Variants in NLGN1 observed in about 807,000 individuals in gnomAD.
NLGN1 encodes neuroligin 1.
NLGN1 carries 12 observed loss-of-function variants against 65.5 expected under a neutral mutation model. The ratio of observed to expected loss-of-function variants is 0.18; its 90% CI spans 0.12 to 0.30. NLGN1 has a LOEUF of 0.30. NLGN1 is among the 10% of genes least tolerant of loss of function. The pLI is 1.00. For synonymous variants in NLGN1, 350 were observed against 359.5 expected, an observed-to-expected ratio of 0.97 and a Z score of 0.30; for missense variants, 750 against 1,007.1, an observed-to-expected ratio of 0.74 and a Z score of 3.46.
intron 3 of NLGN1, among the ~76,000 whole-genome samples, chr3:173,803,904 A>G (rs1716030186): frequency 6.6e-6 from 1 of 152,172 alleles, no homozygotes; most frequent in African/African-American, 2.4e-5. Context: ...ACTCTAAAAT[A>G]TGGGCAATTA....
At chr3:173,464,489 G>A (rs1250979108) in intron 2 of NLGN1, among the ~76,000 whole-genome samples, 1 of 147,922 alleles carries the variant, frequency 6.8e-6, no homozygotes, top group Non-Finnish European at 1.5e-5. Flanking sequence ...AGGCTGGAGT[G>A]CAATGGCGCA....
chr3:173,415,890 A>AATATAT (rs149873787), intron 1 of NLGN1, among the ~76,000 whole-genome samples: 7,509 of 133,606 alleles, frequency 0.056, 243 homozygotes, highest in Admixed American at 0.068. Flanking sequence ...GCAAGGAGTA[A>AATATAT]ATATATATAT....
intron 4 of NLGN1, among the ~76,000 whole-genome samples, chr3:174,070,443 T>C (rs1370110145): frequency 2.0e-5 from 3 of 151,896 alleles, no homozygotes; most frequent in Non-Finnish European, 4.4e-5. Flanking sequence ...GTGATTCTCC[T>C]GCCTCAGCCT....
intron 4 of NLGN1, among the ~76,000 whole-genome samples, chr3:173,962,210 C>T (rs1713755456): frequency 6.6e-6 from 1 of 152,006 alleles, no homozygotes; most frequent in Non-Finnish European, 1.5e-5. Context: ...CTTCCACAGT[C>T]TGGCAATTTG....
intron 4 of NLGN1, among the ~76,000 whole-genome samples, chr3:174,026,188 AC>A (rs1728793660): frequency 6.6e-6 from 1 of 152,114 alleles, no homozygotes; most frequent in African/African-American, 2.4e-5. Flanking sequence ...GCACAGTGGC[AC>A]AATCACTGCT....
chr3:173,503,189 C>T (rs1326837749), intron 2 of NLGN1, among the ~76,000 whole-genome samples: 1 of 151,884 alleles, frequency 6.6e-6, no homozygotes, highest in Non-Finnish European at 1.5e-5. Flanking sequence ...AGTTCCATAT[C>T]CAATTACTGG....
intron 4 of NLGN1, among the ~76,000 whole-genome samples, chr3:173,890,605 A>G (rs1735154831): frequency 6.6e-6 from 1 of 152,202 alleles, no homozygotes; most frequent in Non-Finnish European, 1.5e-5. Context: ...TTGAAAGAAA[A>G]TTGTTATTGC....
intron 2 of NLGN1, among the ~76,000 whole-genome samples, chr3:173,460,943 A>G (rs1723272368): frequency 6.6e-6 from 1 of 152,126 alleles, no homozygotes; most frequent in Admixed American, 6.6e-5. Context: ...GCAATCTTGC[A>G]TGGGTGAGAT....
chr3:173,487,259 A>G (rs955444296), intron 2 of NLGN1, among the ~76,000 whole-genome samples: 2 of 151,886 alleles, frequency 1.3e-5, no homozygotes, highest in Non-Finnish European at 2.9e-5. Flanking sequence ...TAAGCCATCT[A>G]TTTTTAAAGG....
rs71162356 is a variant in NLGN1 at position 173,734,381 on chromosome 3, ATTTTTTTTTTTTTTT to A, written c.494-73281_494-73267del. On this transcript the variant is annotated intron_variant, in intron 3 of 6. Coordinates refer to ENST00000457714, the Ensembl canonical transcript of NLGN1. ...ATAATTAGATTCTGTGGATAATTCT[ATTTTTTTTTTTTTTT>A]TTTTTTTTTTTTTTTTTAGAAACAG... Among the ~76,000 whole-genome samples the A allele has an allele frequency of 3.9e-3, 156 of 40,096 alleles. 3 individuals carry two copies. In the East Asian group the frequency reaches 0.07, roughly 18 times the overall value. The allele number at this position is 40,096 out of a possible 152,430, so 26.3% of individuals were successfully genotyped here. A position where few individuals can be genotyped will look rare whatever the true frequency, so the allele number is the denominator to read the frequency against.
intron 4 of NLGN1, among the ~76,000 whole-genome samples, chr3:173,883,744 C>T (rs1370721948): frequency 6.7e-6 from 1 of 149,688 alleles, no homozygotes; most frequent in Non-Finnish European, 1.5e-5. Context: ...CCCATGTTGA[C>T]ATGGCAGTAT....
intron 2 of NLGN1, among the ~76,000 whole-genome samples, chr3:173,543,490 A>G (rs1323316060): frequency 6.6e-6 from 1 of 152,068 alleles, no homozygotes; most frequent in African/African-American, 2.4e-5. Context: ...ACAGTTCTTG[A>G]GTAATTGTCT....
chr3:174,043,281 C>A (rs1314147724), intron 4 of NLGN1, among the ~76,000 whole-genome samples: 1 of 152,092 alleles, frequency 6.6e-6, no homozygotes, highest in African/African-American at 2.4e-5. Flanking sequence ...TCATGTATGT[C>A]CTCACATTTT....
chr3:173,453,015 G>A (rs1488103843), intron 2 of NLGN1, among the ~76,000 whole-genome samples: 1 of 152,080 alleles, frequency 6.6e-6, no homozygotes, highest in East Asian at 1.9e-4. Context: ...GCTGGTGGAA[G>A]GTTGTGTCTT....
chr3:173,524,670 T>G (rs1370054667), intron 2 of NLGN1, among the ~76,000 whole-genome samples: 1 of 152,230 alleles, frequency 6.6e-6, no homozygotes, highest in African/African-American at 2.4e-5. Flanking sequence ...TTTGAGTTTT[T>G]GCCCATTCAT....
At chr3:174,015,850 C>A (rs193245091) in intron 4 of NLGN1, among the ~76,000 whole-genome samples, 1 of 151,706 alleles carries the variant, frequency 6.6e-6, no homozygotes, top group African/African-American at 2.4e-5. Flanking sequence ...GCACAAACCA[C>A]GAAAAATGCT....
At chr3:173,585,500 C>T (rs756870576) in intron 2 of NLGN1, among the ~76,000 whole-genome samples, 7 of 152,144 alleles carry the variant, frequency 4.6e-5, no homozygotes, top group Non-Finnish European at 4.4e-5. Context: ...TCTTCCTACC[C>T]CTTCCCGCTT....
intron 3 of NLGN1, among the ~76,000 whole-genome samples, chr3:173,618,779 T>C (rs1753536904): frequency 6.6e-6 from 1 of 152,016 alleles, no homozygotes; most frequent in East Asian, 1.9e-4. Context: ...TGGAGAGGCA[T>C]ACTAAGAATG....
chr3:173,565,345 G>T (rs181019484), intron 2 of NLGN1, among the ~76,000 whole-genome samples: 25 of 152,336 alleles, frequency 1.6e-4, no homozygotes, highest in Admixed American at 6.5e-4. Flanking sequence ...GGATTGAGAA[G>T]AGGGAGATTG....
Sources: gnomAD v4.1 joint callset for allele counts (sites outside exome capture counted in the v4.1 genomes callset) on GRCh38, gnomAD v4.1.1 for gene constraint, MANE v1.5 for transcripts, NCBI Gene and HGNC (gene_info 2026-07-23, HGNC 2026-07-21) for gene names.